The following DGKB variants were observed in gnomAD, a reference collection of about 807,000 sequenced individuals.
DGKB encodes diacylglycerol kinase beta.
In DGKB, 67 loss-of-function variants were observed where a neutral mutation model predicts 114.3. The observed-to-expected ratio is 0.59, with a 90% CI of 0.48 to 0.72. DGKB has a LOEUF of 0.72. Ranked by LOEUF, DGKB falls within the 30% of genes least tolerant of loss-of-function variation. DGKB has a pLI of 0.00. For synonymous variants in DGKB, 398 were observed against 323.1 expected (o/e 1.23, Z -2.49); for missense variants, 907 against 975.2 (o/e 0.93, Z 0.93).
chr7:14,395,919 T>C (rs1392863517), intron 21 of DGKB, among the ~76,000 whole-genome samples: 1 of 152,056 alleles, frequency 6.6e-6, no homozygotes. Flanking sequence ...CAAGTTATTT[T>C]ATGTCTCACT....
intron 2 of DGKB, among the ~76,000 whole-genome samples, chr7:14,764,107 A>G (rs560389748): frequency 1.6e-4 from 25 of 152,034 alleles, no homozygotes; most frequent in African/African-American, 5.8e-4. Flanking sequence ...TGCTCAGCAA[A>G]AAAGCATTTT....
intron 23 of DGKB, among the ~76,000 whole-genome samples, chr7:14,241,321 A>G (rs1793609329): frequency 6.6e-6 from 1 of 152,136 alleles, no homozygotes; most frequent in South Asian, 2.1e-4. Flanking sequence ...ATTTTCTTTC[A>G]TGGCTATCTG....
chr7:14,174,422 T>A (rs1008291874), intron 25 of DGKB, among the ~76,000 whole-genome samples: 4 of 152,192 alleles, frequency 2.6e-5, no homozygotes, highest in Non-Finnish European at 5.9e-5. Flanking sequence ...GAACTTTTTT[T>A]AGGATATTAC....
intron 13 of DGKB, among the ~76,000 whole-genome samples, chr7:14,650,963 TTAATA>T (rs1488489170): frequency 1.3e-5 from 2 of 151,994 alleles, no homozygotes; most frequent in Non-Finnish European, 1.5e-5. Flanking sequence ...GTTGAATCTC[TTAATA>T]GACCAATAAC....
intron 21 of DGKB, among the ~76,000 whole-genome samples, chr7:14,385,559 TACAGAG>T (rs1820199643): frequency 6.6e-6 from 1 of 152,222 alleles, no homozygotes; most frequent in Non-Finnish European, 1.5e-5. Context: ...TACTACCTTT[TACAGAG>T]TTTAACAAGT....
chr7:14,759,038 C>A (rs1228115673), intron 2 of DGKB, among the ~76,000 whole-genome samples: 1 of 152,180 alleles, frequency 6.6e-6, no homozygotes, highest in Admixed American at 6.5e-5. Flanking sequence ...GGTTCTCCTG[C>A]CTCAGCCTCC....
At chr7:14,523,880 A>G (rs1253901407) in intron 20 of DGKB, among the ~76,000 whole-genome samples, 2 of 152,068 alleles carry the variant, frequency 1.3e-5, no homozygotes, top group Non-Finnish European at 2.9e-5. Context: ...TCTTTGCTAA[A>G]CCCTAGTCAT....
At chr7:14,549,462 T>A (rs1055870145) in intron 20 of DGKB, among the ~76,000 whole-genome samples, 2 of 152,132 alleles carry the variant, frequency 1.3e-5, no homozygotes, top group African/African-American at 4.8e-5. Context: ...AAATAACCTA[T>A]ATAGTTATTT....
intron 1 of DGKB, among the ~76,000 whole-genome samples, chr7:14,847,659 AC>A (rs1848824139): frequency 6.6e-6 from 1 of 152,200 alleles, no homozygotes; most frequent in Non-Finnish European, 1.5e-5. Context: ...AACCAACTAC[AC>A]CCATAAATAA....
At chr7:14,397,016 G>A (rs150907708) in intron 21 of DGKB, among the ~76,000 whole-genome samples, 322 of 151,942 alleles carry the variant, frequency 2.1e-3, no homozygotes, top group African/African-American at 7.0e-3. Flanking sequence ...AAATTATTCC[G>A]GTCAATAAGT....
intron 19 of DGKB, among the ~76,000 whole-genome samples, chr7:14,579,025 T>C (rs1799561690): frequency 6.6e-6 from 1 of 152,166 alleles, no homozygotes; most frequent in Non-Finnish European, 1.5e-5. Context: ...TTCTCCTCCT[T>C]CTTATATTTT....
chr7:14,737,455 C>G (rs1247189109), intron 4 of DGKB, among the ~76,000 whole-genome samples: 2 of 151,872 alleles, frequency 1.3e-5, no homozygotes, highest in Admixed American at 1.3e-4. Flanking sequence ...GGGGGAAAGA[C>G]ATGGAGATTG....
chr7:14,591,329 A>T (rs1465159721), intron 17 of DGKB, among the ~76,000 whole-genome samples: 1 of 152,168 alleles, frequency 6.6e-6, no homozygotes, highest in African/African-American at 2.4e-5. Flanking sequence ...TTTGCAATGA[A>T]ATCATGCTTG....
chr7:14,841,651 C>T (rs1307442120), intron 1 of DGKB, among the ~76,000 whole-genome samples: 1 of 152,088 alleles, frequency 6.6e-6, no homozygotes, highest in Non-Finnish European at 1.5e-5. Flanking sequence ...CACGAGTAGA[C>T]AGTGGTATCA....
At chr7:14,658,139 G>A (rs1816239146) in intron 13 of DGKB, among the ~76,000 whole-genome samples, 2 of 151,916 alleles carry the variant, frequency 1.3e-5, no homozygotes, top group Non-Finnish European at 2.9e-5. Context: ...ATGACATATG[G>A]TTTTCTGAGG....
At chr7:14,226,831 C>G (rs1344924427) in intron 23 of DGKB, among the ~76,000 whole-genome samples, 2 of 151,974 alleles carry the variant, frequency 1.3e-5, no homozygotes, top group East Asian at 3.9e-4. Flanking sequence ...TGAAGAATTT[C>G]TGCTGTTTTT....
intron 25 of DGKB, among the ~76,000 whole-genome samples, chr7:14,159,398 C>A (rs1330718499): frequency 6.6e-6 from 1 of 152,096 alleles, no homozygotes; most frequent in African/African-American, 2.4e-5. Flanking sequence ...CTCTATTATA[C>A]CCTGTCACAG....
At chr7:14,303,843 C>T (rs79339550) in intron 23 of DGKB, among the ~76,000 whole-genome samples, 4 of 152,186 alleles carry the variant, frequency 2.6e-5, no homozygotes, top group Non-Finnish European at 4.4e-5. Flanking sequence ...AGTTTTCATG[C>T]ACTTTGCTTG....
At chr7:14,297,685 G>A (rs1049843944) in intron 23 of DGKB, among the ~76,000 whole-genome samples, 1 of 152,114 alleles carries the variant, frequency 6.6e-6, no homozygotes, top group South Asian at 2.1e-4. Context: ...AGTCAACATA[G>A]TATTGGAAGC....
Sources: gnomAD v4.1 joint callset for allele counts (sites outside exome capture counted in the v4.1 genomes callset) on GRCh38, gnomAD v4.1.1 for gene constraint, MANE v1.5 for transcripts, NCBI Gene and HGNC (gene_info 2026-07-23, HGNC 2026-07-21) for gene names.